SLC41A2: variants seen among roughly 807,000 people sequenced by gnomAD.
SLC41A2 encodes the protein solute carrier family 41 member 2, also known as SLC41A1-like 1.
In SLC41A2, 32 loss-of-function variants were observed where a neutral mutation model predicts 58.3. That is an observed-to-expected ratio of 0.55 (90% CI 0.41 to 0.74). The LOEUF (loss-of-function observed/expected upper bound fraction) is 0.74, where lower values mean the gene tolerates loss of function less well. SLC41A2 is among the 30% of genes least tolerant of loss of function. The pLI is 0.00. For missense variants in SLC41A2, 514 were observed against 680.6 expected (o/e 0.76, Z 2.72); for synonymous variants, 190 against 235.0 (o/e 0.81, Z 1.75).
chr12:104,919,818 C>A (rs2046507314), intron 2 of SLC41A2, among the ~76,000 whole-genome samples: 1 of 152,010 alleles, frequency 6.6e-6, no homozygotes, highest in South Asian at 2.1e-4. Flanking sequence ...TAAACTGTTT[C>A]TTTTATGAAA....
intron 2 of SLC41A2, among the ~76,000 whole-genome samples, chr12:104,912,055 CACTT>C (rs759025042): frequency 1.6e-4 from 24 of 152,296 alleles, no homozygotes; most frequent in African/African-American, 3.1e-4. Flanking sequence ...TAGACTCACT[CACTT>C]AATCTTCACA....
intron 6 of SLC41A2, among the ~76,000 whole-genome samples, chr12:104,875,168 A>T (rs2043986766): frequency 6.6e-6 from 1 of 152,212 alleles, no homozygotes; most frequent in Admixed American, 6.5e-5. Context: ...CTTGGTCATG[A>T]TGTATAATAT....
intron 4 of SLC41A2, among the ~76,000 whole-genome samples, chr12:104,890,630 T>C (rs980730581): frequency 1.3e-5 from 2 of 152,182 alleles, no homozygotes; most frequent in Non-Finnish European, 2.9e-5. Context: ...GAAAAATGAC[T>C]AATTGTACCC....
chr12:104,950,224 G>C (rs774290198), intron 1 of SLC41A2, among the ~76,000 whole-genome samples: 1 of 152,098 alleles, frequency 6.6e-6, no homozygotes, highest in Non-Finnish European at 1.5e-5. Context: ...ATCTGATCTT[G>C]AATTGTAATC....
rs112582198 is a variant in SLC41A2, at chr12:104,814,018, C to T, written c.1537-8681G>A. ...TGTGTAACACACTGTAAGGGTATTT[C>T]GTAAAACTTTTAGCTATGAATTTAC... On this transcript the variant is annotated intron_variant, in intron 10 of 10. Transcript: ENST00000258538. Among the ~76,000 whole-genome samples the T allele has an allele frequency of 3.4e-3, 516 of 152,250 alleles. 2 individuals are homozygous for T. Among genetic ancestry groups the T allele is most frequent in the African/African-American group, 0.012 (479 of 41,544 alleles).
intron 6 of SLC41A2, among the ~76,000 whole-genome samples, chr12:104,884,385 C>A (rs992124642): frequency 6.6e-6 from 1 of 152,146 alleles, no homozygotes; most frequent in African/African-American, 2.4e-5. Flanking sequence ...GAACCCAGTA[C>A]CTCAGTTGGA....
rs1471191957 is a variant in SLC41A2, at chr12:104,866,373, G to GACGT, written c.1175+58_1175+59insACGT. The stretch of plus-strand genomic sequence containing the variant: ...TGCTTATAGAAGACACACAAAGACA[G>GACGT]ACAGACGTACACACACACACACACA... On this transcript the variant is annotated intron_variant, in intron 7 of 10. Transcript: ENST00000258538. 2.3e-4 allele frequency: 333 copies of GACGT among 1,436,426 alleles called. 2 individuals carry two copies. In the African/African-American group the frequency reaches 5.5e-3, roughly 24 times the overall value. The allele number at this position is 1,436,426 out of a possible 1,614,324, so 89.0% of individuals were successfully genotyped here. A position where few individuals can be genotyped will look rare whatever the true frequency, so the allele number is the denominator to read the frequency against.
intron 3 of SLC41A2, among the ~76,000 whole-genome samples, chr12:104,906,131 T>G (rs2045840238): frequency 6.6e-6 from 1 of 152,260 alleles, no homozygotes; most frequent in Non-Finnish European, 1.5e-5. Context: ...AAGCTAGAGA[T>G]ATACTTGACA....
intron 8 of SLC41A2, among the ~76,000 whole-genome samples, chr12:104,852,421 T>C (rs1325262420): frequency 1.3e-5 from 2 of 152,202 alleles, no homozygotes; most frequent in Non-Finnish European, 2.9e-5. Flanking sequence ...CAACTTCTCT[T>C]GAGTTTGAAA....
chr12:104,912,996 A>G (rs1274467132), intron 2 of SLC41A2, among the ~76,000 whole-genome samples: 5 of 152,094 alleles, frequency 3.3e-5, no homozygotes, highest in African/African-American at 7.2e-5. Flanking sequence ...CATGCTTTAG[A>G]CCTGTTGGAA....
chr12:104,881,051 T>C (rs1189551339), intron 6 of SLC41A2, among the ~76,000 whole-genome samples: 1 of 152,188 alleles, frequency 6.6e-6, no homozygotes, highest in Admixed American at 6.5e-5. Flanking sequence ...TGGGAGGGTG[T>C]ATGTGTCCAG....
chr12:104,807,863 G>A (rs933649119), intron 10 of SLC41A2, among the ~76,000 whole-genome samples: 3 of 152,020 alleles, frequency 2.0e-5, no homozygotes, highest in African/African-American at 4.8e-5. Context: ...TTGGCTCTCT[G>A]TTTGTCTGTT....
At chr12:104,941,420 G>A (rs999682401) in intron 1 of SLC41A2, among the ~76,000 whole-genome samples, 4 of 151,988 alleles carry the variant, frequency 2.6e-5, no homozygotes, top group East Asian at 1.9e-4. Flanking sequence ...TCAATACATC[G>A]CAAATAATTT....
At chr12:104,907,884 T>A (rs60941892) in intron 3 of SLC41A2, among the ~76,000 whole-genome samples, 1,876 of 152,326 alleles carry the variant, frequency 0.012, 49 homozygotes, top group African/African-American at 0.043. Flanking sequence ...TATTGTCCTC[T>A]GCAGATATAG....
intron 1 of SLC41A2, among the ~76,000 whole-genome samples, chr12:104,932,505 G>C (rs1468834080): frequency 6.6e-6 from 1 of 151,526 alleles, no homozygotes; most frequent in Non-Finnish European, 1.5e-5. Context: ...TGCACCTGTA[G>C]TCCCAGCTAC....
chr12:104,826,387 C>G (rs1302394292), intron 10 of SLC41A2, among the ~76,000 whole-genome samples: 3 of 152,186 alleles, frequency 2.0e-5, no homozygotes, highest in Non-Finnish European at 2.9e-5. Context: ...GCTTTCTATA[C>G]CTTGCAAGGC....
chr12:104,812,126 G>T (rs1387109932), intron 10 of SLC41A2, among the ~76,000 whole-genome samples: 2 of 152,208 alleles, frequency 1.3e-5, no homozygotes, highest in Non-Finnish European at 2.9e-5. Context: ...GCAGGCAGGA[G>T]GATGACCTCC....
chr12:104,818,491 T>C (rs1378437039), intron 10 of SLC41A2, among the ~76,000 whole-genome samples: 1 of 152,130 alleles, frequency 6.6e-6, no homozygotes, highest in African/African-American at 2.4e-5. Flanking sequence ...TTGGGAAATA[T>C]GAAAATAGAT....
intron 4 of SLC41A2, among the ~76,000 whole-genome samples, chr12:104,890,318 G>T (rs1025818835): frequency 1.3e-5 from 2 of 152,120 alleles, no homozygotes; most frequent in African/African-American, 4.8e-5. Flanking sequence ...ATACAGAGCT[G>T]AGATTCAAAC....
Sources: gnomAD v4.1 joint callset for allele counts (sites outside exome capture counted in the v4.1 genomes callset) on GRCh38, gnomAD v4.1.1 for gene constraint, MANE v1.5 for transcripts, NCBI Gene and HGNC (gene_info 2026-07-23, HGNC 2026-07-21) for gene names.